The following LRFN2 variants were observed in gnomAD, a reference collection of about 807,000 sequenced individuals.
LRFN2 encodes the protein leucine-rich repeat and fibronectin type-III domain-containing protein 2.
In LRFN2, 18 loss-of-function variants were observed where a neutral mutation model predicts 37.3. The ratio of observed to expected loss-of-function variants is 0.48; its 90% CI spans 0.33 to 0.72. The LOEUF (loss-of-function observed/expected upper bound fraction) is 0.72, where lower values mean the gene tolerates loss of function less well. Ranked by LOEUF, LRFN2 falls within the 30% of genes least tolerant of loss-of-function variation. The probability of loss-of-function intolerance (pLI) is 0.02; values close to 1 mark genes in which losing one functional copy is unlikely to be tolerated. For synonymous variants in LRFN2, 556 were observed against 466.6 expected (o/e 1.19, Z -2.47); for missense variants, 1,006 against 1,060.7 (o/e 0.95, Z 0.72).
At chr6:40,516,267 G>A (rs1048121268) in intron 1 of LRFN2, 3 of 152,220 alleles carry the variant, frequency 2.0e-5, no homozygotes, top group Non-Finnish European at 2.9e-5. Context: ...GAAGGGACAT[G>A]ACCCCAGCTC....
chr6:40,424,785 G>A (rs564696817), intron 2 of LRFN2, among the ~76,000 whole-genome samples: 1 of 152,182 alleles, frequency 6.6e-6, no homozygotes, highest in African/African-American at 2.4e-5. Context: ...TCTCTCACAG[G>A]TCCTGTTCCT....
intron 1 of LRFN2, among the ~76,000 whole-genome samples, chr6:40,490,301 A>G (rs186326562): frequency 3.3e-5 from 5 of 152,310 alleles, no homozygotes; most frequent in Admixed American, 1.3e-4. Flanking sequence ...TCTGGTTATT[A>G]CTATTATTTA....
intron 1 of LRFN2, among the ~76,000 whole-genome samples, chr6:40,436,358 G>A (rs1454676710): frequency 3.3e-5 from 5 of 152,166 alleles, no homozygotes; most frequent in Admixed American, 1.3e-4. Context: ...TTTACATATC[G>A]CATGTGGCTT....
At chr6:40,405,422 A>G (rs1019047638) in intron 2 of LRFN2, among the ~76,000 whole-genome samples, 1 of 152,146 alleles carries the variant, frequency 6.6e-6, no homozygotes, top group Non-Finnish European at 1.5e-5. Flanking sequence ...GGGCGTTCAT[A>G]ATCTCTGCCT....
chr6:40,486,841 A>G (rs1764970247), intron 1 of LRFN2, among the ~76,000 whole-genome samples: 1 of 152,216 alleles, frequency 6.6e-6, no homozygotes, highest in African/African-American at 2.4e-5. Flanking sequence ...TTAAAGACAT[A>G]TCTCAAGTGC....
At chr6:40,507,413 G>A (rs192609433) in intron 1 of LRFN2, among the ~76,000 whole-genome samples, 14 of 152,290 alleles carry the variant, frequency 9.2e-5, no homozygotes, top group South Asian at 2.1e-4. Flanking sequence ...ACAGTGTCTC[G>A]TTTAATCTTC....
intron 2 of LRFN2, among the ~76,000 whole-genome samples, chr6:40,423,844 T>A (rs1188660793): frequency 6.6e-6 from 1 of 152,196 alleles, no homozygotes; most frequent in Non-Finnish European, 1.5e-5. Context: ...TTTTGTGCTT[T>A]TAAGTGACCT....
intron 1 of LRFN2, among the ~76,000 whole-genome samples, chr6:40,557,465 A>T (rs1269422394): frequency 6.6e-6 from 1 of 152,192 alleles, no homozygotes; most frequent in Non-Finnish European, 1.5e-5. Flanking sequence ...CTACAGGCAC[A>T]GTGGTCAGGG....
intron 2 of LRFN2, among the ~76,000 whole-genome samples, chr6:40,418,378 C>T (rs1006441425): frequency 2.6e-5 from 4 of 152,100 alleles, no homozygotes; most frequent in Admixed American, 6.6e-5. Flanking sequence ...TTGAACTTTT[C>T]ATCTCTCCCC....
intron 1 of LRFN2, among the ~76,000 whole-genome samples, chr6:40,557,842 T>C (rs1766919276): frequency 6.6e-6 from 1 of 152,236 alleles, no homozygotes; most frequent in South Asian, 2.1e-4. Context: ...ATAAAGTATA[T>C]AGAACAATGT....
chr6:40,515,583 C>G (rs1284002311), intron 1 of LRFN2, among the ~76,000 whole-genome samples: 1 of 152,178 alleles, frequency 6.6e-6, no homozygotes, highest in African/African-American at 2.4e-5. Flanking sequence ...AATTAACACT[C>G]CACACACTTA....
chr6:40,461,268 G>C (rs941579920), intron 1 of LRFN2, among the ~76,000 whole-genome samples: 1 of 151,944 alleles, frequency 6.6e-6, no homozygotes, highest in Non-Finnish European at 1.5e-5. Flanking sequence ...CATTAGTCGG[G>C]CATGGTAGTC....
intron 1 of LRFN2, among the ~76,000 whole-genome samples, chr6:40,508,538 A>G (rs1397852100): frequency 6.6e-6 from 1 of 152,226 alleles, no homozygotes; most frequent in Non-Finnish European, 1.5e-5. Context: ...GTACAGACTC[A>G]GGAGCCCACT....
At chr6:40,571,637 T>C (rs1422026487) in intron 1 of LRFN2, among the ~76,000 whole-genome samples, 3 of 152,202 alleles carry the variant, frequency 2.0e-5, no homozygotes, top group Admixed American at 6.5e-5. Flanking sequence ...GGGCACCCAA[T>C]GTGGGTCTGC....
chr6:40,504,987 G>A (rs1449043302), intron 1 of LRFN2, among the ~76,000 whole-genome samples: 1 of 152,178 alleles, frequency 6.6e-6, no homozygotes, highest in African/African-American at 2.4e-5. Flanking sequence ...ATTTCACACT[G>A]AACCATTTCT....
chr6:40,481,923 C>G (rs963910359), intron 1 of LRFN2, among the ~76,000 whole-genome samples: 1 of 152,216 alleles, frequency 6.6e-6, no homozygotes, highest in African/African-American at 2.4e-5. Context: ...GTTCTAAGTG[C>G]TTTACATATG....
At chr6:40,424,898 G>T (rs765840714) in intron 2 of LRFN2, among the ~76,000 whole-genome samples, 20 of 152,228 alleles carry the variant, frequency 1.3e-4, no homozygotes, top group Non-Finnish European at 2.4e-4. Flanking sequence ...ATCCTGAGAT[G>T]TCGATTTCAT....
rs903519119 is a variant in LRFN2 at position 40,575,242 on chromosome 6, A to G, written c.-19+11699T>C. On this transcript the variant is annotated intron_variant, in intron 1 of 2. Coordinates refer to ENST00000338305, the MANE Select transcript of LRFN2 (RefSeq NM_020737.3). ...AACTGGCAGAGTGCGCAGAACCCCC[A>G]GCTCTTCCCCTGCTGCCCACTGGCT... 8.0e-5 allele frequency among the ~76,000 whole-genome samples: 12 copies of G among 150,418 alleles called. No individual in the cohort carries two copies. In the South Asian group the frequency reaches 1.8e-3, roughly 22 times the overall value.
chr6:40,501,585 C>G (rs1484113483), intron 1 of LRFN2: 1 of 151,968 alleles, frequency 6.6e-6, no homozygotes, highest in Non-Finnish European at 1.5e-5. Context: ...GCCTTGCCCT[C>G]CTAAAGTACT....
Sources: gnomAD v4.1 joint callset for allele counts (sites outside exome capture counted in the v4.1 genomes callset) on GRCh38, gnomAD v4.1.1 for gene constraint, MANE v1.5 for transcripts, NCBI Gene and HGNC (gene_info 2026-07-23, HGNC 2026-07-21) for gene names.